The following MIR2052HG variants were observed in gnomAD, a reference collection of about 807,000 sequenced individuals.
The protein encoded by MIR2052HG is MIR2052 host gene.
At chr8:74,707,877 G>A (rs1809427289) in intron 4 of MIR2052HG, among the ~76,000 whole-genome samples, 1 of 152,096 alleles carries the variant, frequency 6.6e-6, no homozygotes, top group Non-Finnish European at 1.5e-5. Flanking sequence ...AGGGATCCAC[G>A]TAGTCTTTAC....
intron 2 of MIR2052HG, among the ~76,000 whole-genome samples, chr8:74,627,474 T>G (rs2128733569): frequency 6.6e-6 from 1 of 152,348 alleles, no homozygotes; most frequent in African/African-American, 2.4e-5. Context: ...GCCAGTAGCA[T>G]GAAATATACT....
chr8:74,607,253 G>A (rs1001386230), intron 1 of MIR2052HG, among the ~76,000 whole-genome samples: 2 of 152,088 alleles, frequency 1.3e-5, no homozygotes, highest in East Asian at 1.9e-4. Context: ...CAATAATAAA[G>A]GGAGTGAGTT....
intron 5 of MIR2052HG, among the ~76,000 whole-genome samples, chr8:74,753,688 A>T (rs1387789196): frequency 1.3e-5 from 2 of 152,182 alleles, no homozygotes; most frequent in East Asian, 3.9e-4. Flanking sequence ...GCTGATTAGG[A>T]AATGTTCCAT....
chr8:74,728,978 A>T (rs979658172), intron 4 of MIR2052HG, among the ~76,000 whole-genome samples: 1 of 152,180 alleles, frequency 6.6e-6, no homozygotes, highest in East Asian at 1.9e-4. Flanking sequence ...AATGGGTTTC[A>T]TTAGGAGCAG....
At chr8:74,741,148 G>C (rs1809824362) in intron 4 of MIR2052HG, among the ~76,000 whole-genome samples, 1 of 152,132 alleles carries the variant, frequency 6.6e-6, no homozygotes, top group Non-Finnish European at 1.5e-5. Flanking sequence ...TTAATTTCAT[G>C]GTCTTTGAAT....
chr8:74,629,920 T>A (rs902690036), intron 2 of MIR2052HG, among the ~76,000 whole-genome samples: 1 of 152,196 alleles, frequency 6.6e-6, no homozygotes, highest in South Asian at 2.1e-4. Context: ...GATGTCCTCA[T>A]GACTCCCTCA....
chr8:74,664,600 C>T (rs1307134778), intron 2 of MIR2052HG, among the ~76,000 whole-genome samples: 1 of 152,144 alleles, frequency 6.6e-6, no homozygotes, highest in Non-Finnish European at 1.5e-5. Flanking sequence ...TCACTGCAAC[C>T]TCCGCCCCCA....
chr8:74,687,485 A>G (rs773974405), intron 2 of MIR2052HG, among the ~76,000 whole-genome samples: 17 of 152,172 alleles, frequency 1.1e-4, no homozygotes, highest in Non-Finnish European at 1.8e-4. Flanking sequence ...AAAATGTGGT[A>G]TATACATACA....
At chr8:74,710,246 G>A (rs1360838104) in intron 4 of MIR2052HG, among the ~76,000 whole-genome samples, 1 of 152,116 alleles carries the variant, frequency 6.6e-6, no homozygotes, top group Non-Finnish European at 1.5e-5. Flanking sequence ...GGTCAGGGAT[G>A]TTCAGTGGAG....
intron 2 of MIR2052HG, among the ~76,000 whole-genome samples, chr8:74,613,717 C>G (rs1192867984): frequency 6.6e-6 from 1 of 152,204 alleles, no homozygotes; most frequent in Non-Finnish European, 1.5e-5. Flanking sequence ...GAACTCCAGA[C>G]CTCACGTGAT....
chr8:74,705,426 T>A (rs1385058431), intron 4 of MIR2052HG, among the ~76,000 whole-genome samples: 1 of 152,024 alleles, frequency 6.6e-6, no homozygotes, highest in African/African-American at 2.4e-5. Context: ...AAAAGTCATA[T>A]ATTTTCATTC....
intron 4 of MIR2052HG, among the ~76,000 whole-genome samples, chr8:74,720,347 C>T (rs1412919727): frequency 6.6e-6 from 1 of 152,146 alleles, no homozygotes; most frequent in Admixed American, 6.5e-5. Context: ...TTAGATCTAG[C>T]CTAGGTCTAT....
At chr8:74,679,073 T>A (rs1809088385) in intron 2 of MIR2052HG, among the ~76,000 whole-genome samples, 2 of 152,188 alleles carry the variant, frequency 1.3e-5, no homozygotes, top group South Asian at 4.1e-4. Flanking sequence ...CAATGATGGA[T>A]GTCAAATACA....
At chr8:74,693,610 C>CA (rs1554576474) in intron 2 of MIR2052HG, among the ~76,000 whole-genome samples, 2 of 8,664 alleles carry the variant, frequency 2.3e-4, no homozygotes, top group African/African-American at 3.0e-4. Context: ...ATTGCGGGGG[C>CA]GGGGGGGGAG....
intron 2 of MIR2052HG, among the ~76,000 whole-genome samples, chr8:74,686,530 GA>G: frequency 6.6e-6 from 1 of 151,998 alleles, no homozygotes; most frequent in East Asian, 1.9e-4. Context: ...AAAGAGATTA[GA>G]AAACCAGCAA....
intron 4 of MIR2052HG, among the ~76,000 whole-genome samples, chr8:74,706,708 C>G (rs1809414544): frequency 6.6e-6 from 1 of 152,078 alleles, no homozygotes; most frequent in Non-Finnish European, 1.5e-5. Flanking sequence ...AAAATCCATG[C>G]TTAACCAATT....
At chr8:74,604,427 C>A (rs1225255506) in intron 1 of MIR2052HG, among the ~76,000 whole-genome samples, 1 of 116,400 alleles carries the variant, frequency 8.6e-6, no homozygotes, top group Non-Finnish European at 1.7e-5. Flanking sequence ...GGGGGGGCCC[C>A]GCGGGCGGGC....
At chr8:74,738,742 A>G (rs1809797269) in intron 4 of MIR2052HG, among the ~76,000 whole-genome samples, 1 of 152,186 alleles carries the variant, frequency 6.6e-6, no homozygotes. Flanking sequence ...AGATAACTCC[A>G]CTTTAGACTC....
chr8:74,647,781 T>C (rs1431538014), intron 2 of MIR2052HG, among the ~76,000 whole-genome samples: 2 of 152,204 alleles, frequency 1.3e-5, no homozygotes, highest in Non-Finnish European at 2.9e-5. Flanking sequence ...CCAAAATTAA[T>C]ACTTTTATAA....
Sources: allele counts gnomAD v4.1 joint callset (sites outside exome capture counted in the v4.1 genomes callset), GRCh38; gene constraint gnomAD v4.1.1; transcripts MANE v1.5; gene names NCBI Gene and HGNC (gene_info 2026-07-23, HGNC 2026-07-21).